Variants in NELL1 observed in about 807,000 individuals in gnomAD.
The protein encoded by NELL1 is protein kinase C-binding protein NELL1.
A neutral mutation model predicts 107.4 loss-of-function variants in NELL1; 76 were observed. The observed-to-expected ratio is 0.71, with a 90% CI of 0.59 to 0.86. The LOEUF is 0.86. NELL1 is among the 40% of genes least tolerant of loss of function. The pLI is 0.00. For synonymous variants in NELL1, 353 were observed against 341.2 expected (o/e 1.03, Z -0.38); for missense variants, 1,024 against 1,005.5 (o/e 1.02, Z -0.25).
intron 12 of NELL1, among the ~76,000 whole-genome samples, chr11:21,041,963 C>T (rs1016963488): frequency 3.3e-5 from 5 of 152,290 alleles, no homozygotes; most frequent in East Asian, 1.9e-4. Context: ...GTGTGTGCAC[C>T]GCCACATGTG....
chr11:21,369,862 TAGAATG>T (rs936821578), intron 14 of NELL1, among the ~76,000 whole-genome samples: 6 of 152,154 alleles, frequency 3.9e-5, no homozygotes, highest in African/African-American at 1.4e-4. Context: ...GCAGAATTGT[TAGAATG>T]AGAGTTTTAC....
At chr11:21,471,093 A>G (rs541161370) in intron 15 of NELL1, among the ~76,000 whole-genome samples, 1 of 152,212 alleles carries the variant, frequency 6.6e-6, no homozygotes, top group East Asian at 1.9e-4. Flanking sequence ...CCTTCAAAGG[A>G]CTTCTTTCCA....
chr11:21,253,256 T>C (rs1858685043), intron 14 of NELL1, among the ~76,000 whole-genome samples: 1 of 152,132 alleles, frequency 6.6e-6, no homozygotes, highest in African/African-American at 2.4e-5. Flanking sequence ...CTTTATTCCA[T>C]GATGTCTTTC....
At chr11:21,011,626 C>T (rs1852448705) in intron 12 of NELL1, among the ~76,000 whole-genome samples, 1 of 152,108 alleles carries the variant, frequency 6.6e-6, no homozygotes, top group African/African-American at 2.4e-5. Context: ...TGGGGAATGT[C>T]GGCTGATTAC....
intron 12 of NELL1, among the ~76,000 whole-genome samples, chr11:20,975,348 A>G (rs1165338999): frequency 6.6e-6 from 1 of 151,746 alleles, no homozygotes; most frequent in African/African-American, 2.4e-5. Context: ...TAACACATCT[A>G]AATGTATATC....
At chr11:20,923,389 G>A (rs114365508) in intron 7 of NELL1, among the ~76,000 whole-genome samples, 3,054 of 152,280 alleles carry the variant, frequency 0.02, 110 homozygotes, top group African/African-American at 0.07. Flanking sequence ...CTCTCTTGAG[G>A]AATTCTGGCA....
chr11:20,863,784 C>G (rs188220922), intron 4 of NELL1, among the ~76,000 whole-genome samples: 1 of 152,284 alleles, frequency 6.6e-6, no homozygotes, highest in East Asian at 1.9e-4. Flanking sequence ...CATAGCTAGC[C>G]GAGATCACGC....
At chr11:21,091,400 C>A (rs1363820764) in intron 12 of NELL1, among the ~76,000 whole-genome samples, 1 of 152,088 alleles carries the variant, frequency 6.6e-6, no homozygotes, top group Non-Finnish European at 1.5e-5. Context: ...AAGCCAACAG[C>A]GAATGCATGG....
chr11:21,062,956 T>C (rs928294632), intron 12 of NELL1, among the ~76,000 whole-genome samples: 1 of 152,092 alleles, frequency 6.6e-6, no homozygotes, highest in Non-Finnish European at 1.5e-5. Flanking sequence ...GCCTTCCAAG[T>C]AGCTGGGATT....
chr11:21,363,384 G>T (rs752157495), intron 14 of NELL1, among the ~76,000 whole-genome samples: 6 of 152,188 alleles, frequency 3.9e-5, no homozygotes, highest in African/African-American at 7.2e-5. Flanking sequence ...TTTTCAGATT[G>T]CCAAGTGGAG....
chr11:21,134,994 G>A (rs552488583), intron 13 of NELL1, among the ~76,000 whole-genome samples: 8 of 152,270 alleles, frequency 5.3e-5, no homozygotes, highest in African/African-American at 1.4e-4. Context: ...CGAATGCCTA[G>A]CATATAATAG....
intron 15 of NELL1, among the ~76,000 whole-genome samples, chr11:21,488,307 A>G (rs1333805935): frequency 6.6e-6 from 1 of 152,206 alleles, no homozygotes; most frequent in Non-Finnish European, 1.5e-5. Flanking sequence ...TAAAAAAAAA[A>G]AGAAATAAAC....
chr11:20,951,219 A>C (rs1413866126), intron 11 of NELL1, among the ~76,000 whole-genome samples: 1 of 152,194 alleles, frequency 6.6e-6, no homozygotes, highest in Non-Finnish European at 1.5e-5. Context: ...TATATTTTAC[A>C]TATGAAATAA....
At chr11:21,564,534 T>C (rs1856925336) in intron 17 of NELL1, among the ~76,000 whole-genome samples, 2 of 151,968 alleles carry the variant, frequency 1.3e-5, no homozygotes, top group African/African-American at 4.8e-5. Context: ...ATACCTATAC[T>C]ATTTTGAGTA....
At chr11:20,884,337 C>T (rs1727292986) in intron 4 of NELL1, among the ~76,000 whole-genome samples, 1 of 152,200 alleles carries the variant, frequency 6.6e-6, no homozygotes, top group African/African-American at 2.4e-5. Flanking sequence ...TCCATCACAG[C>T]AGGGAGGAGT....
At chr11:20,859,742 C>T (rs1848944324) in intron 4 of NELL1, among the ~76,000 whole-genome samples, 1 of 152,128 alleles carries the variant, frequency 6.6e-6, no homozygotes, top group African/African-American at 2.4e-5. Flanking sequence ...GTCGTTATTG[C>T]TTCTTTTATT....
intron 15 of NELL1, among the ~76,000 whole-genome samples, chr11:21,491,718 T>A (rs1854822029): frequency 6.6e-6 from 1 of 152,148 alleles, no homozygotes; most frequent in African/African-American, 2.4e-5. Context: ...AAAGTAGTTT[T>A]TTCCAATTCT....
chr11:21,212,294 C>T (rs1377007029), intron 13 of NELL1, among the ~76,000 whole-genome samples: 1 of 152,056 alleles, frequency 6.6e-6, no homozygotes, highest in Non-Finnish European at 1.5e-5. Flanking sequence ...GTATCTGGCT[C>T]ATATAGTATG....
chr11:21,523,332 T>A (rs80015582), intron 15 of NELL1, among the ~76,000 whole-genome samples: 1,574 of 152,312 alleles, frequency 0.01, 35 homozygotes, highest in East Asian at 0.073. Context: ...CCTTTAAGTG[T>A]TTAATAAATA....
Sources: gnomAD v4.1 joint callset for allele counts (sites outside exome capture counted in the v4.1 genomes callset) on GRCh38, gnomAD v4.1.1 for gene constraint, MANE v1.5 for transcripts, NCBI Gene and HGNC (gene_info 2026-07-23, HGNC 2026-07-21) for gene names.